KIT: variants seen among roughly 807,000 people sequenced by gnomAD.
The protein encoded by KIT is mast/stem cell growth factor receptor Kit.
KIT carries 16 observed loss-of-function variants against 105.7 expected under a neutral mutation model. The ratio of observed to expected loss-of-function variants is 0.15; its 90% CI spans 0.10 to 0.23. The LOEUF (loss-of-function observed/expected upper bound fraction) is 0.23, where lower values mean the gene tolerates loss of function less well. KIT is among the 10% of genes least tolerant of loss of function. KIT has a pLI of 1.00. For synonymous variants in KIT, 438 were observed against 441.1 expected (o/e 0.99, Z 0.09); for missense variants, 858 against 1,213.8 (o/e 0.71, Z 4.36).
At chr4:54,658,725 G>A (rs999558742) in intron 1 of KIT, among the ~76,000 whole-genome samples, 2 of 152,202 alleles carry the variant, frequency 1.3e-5, no homozygotes, top group Admixed American at 1.3e-4. Flanking sequence ...TTTTGCGCTG[G>A]GAGTGCGCGG....
rs773599038 is a variant in KIT at position 54,709,535 on chromosome 4, G to A, written c.1227G>A (p.Val409=). 4.4e-6 allele frequency: 7 copies of A among 1,576,390 alleles called. No individual in the cohort carries two copies. Among genetic ancestry groups the A allele is most frequent in the Non-Finnish European group, 4.4e-6 (5 of 1,145,840 alleles). The part of the protein sequence containing the change: ...VNAAIAFNVY[V]NTKPEILTYD... ...CTGCCATAGCATTTAATGTTTATGT[G>A]AATAGTAAGTAACATGAAGGGCTCC... is the stretch of plus-strand genomic sequence containing the variant. The change falls in exon 7 of 21, where the codon GTG becomes GTA. Residue 409 remains valine, a synonymous_variant. Coordinates refer to ENST00000288135, the MANE Select transcript of KIT (RefSeq NM_000222.3).
At chr4:54,705,132 T>G (rs1207548528) in intron 5 of KIT, among the ~76,000 whole-genome samples, 3 of 152,228 alleles carry the variant, frequency 2.0e-5, no homozygotes, top group Non-Finnish European at 2.9e-5. Flanking sequence ...TTAGGGAGCA[T>G]GTTGATATAT....
chr4:54,713,921 C>G (rs1721309414), intron 7 of KIT, among the ~76,000 whole-genome samples: 3 of 152,062 alleles, frequency 2.0e-5, no homozygotes, highest in Admixed American at 2.0e-4. Flanking sequence ...GACTCAGTGA[C>G]ATTTAAGGTG....
Position 54,709,485 on chromosome 4 carries a change from C to A in KIT, c.1177C>A (p.Leu393Ile), listed in dbSNP as rs750332587. The change falls in exon 7 of 21, where the codon CTA becomes ATA. Residue 393 changes from leucine (L) to isoleucine (I), a missense_variant. Physicochemically the swap from Leu to Ile is conservative, Grantham distance 5 (BLOSUM62 2). Coordinates refer to ENST00000288135, the MANE Select transcript of KIT (RefSeq NM_000222.3). ...KGTEGGTYTF[L>I]VSNSDVNAAI... ...CACCGAAGGAGGCACTTACACATTC[C>A]TAGTGTCCAATTCTGACGTCAATGC... The A allele has an allele frequency of 6.2e-7, 1 of 1,613,840 alleles. No individual in the cohort carries two copies. The highest frequency in any genetic ancestry group is 8.5e-7 in the Non-Finnish European group (1 of 1,179,736).
rs1394807281 is a variant in KIT, at chr4:54,731,324, C to A, written c.2142-4C>A. On this transcript the variant is annotated splice_region_variant and splice_polypyrimidine_tract_variant and intron_variant, in intron 14 of 20. Coordinates refer to ENST00000288135, the MANE Select transcript of KIT (RefSeq NM_000222.3). ...TCAGTCATGACTTGTTTCATCTCTC[C>A]CAGCAGCGATAGTACTAATGAGTAC... The A allele has an allele frequency of 7.5e-6, 12 of 1,608,838 alleles. No homozygotes were observed. In the Admixed American group the frequency reaches 1.7e-4, roughly 22 times the overall value.
chr4:54,689,788 T>G (rs1361327927), intron 1 of KIT, among the ~76,000 whole-genome samples: 1 of 152,214 alleles, frequency 6.6e-6, no homozygotes, highest in South Asian at 2.1e-4. Flanking sequence ...CACAATGTTG[T>G]GTAACCATCA....
chr4:54,705,416 A>G (rs1720723209), intron 5 of KIT, among the ~76,000 whole-genome samples: 1 of 152,182 alleles, frequency 6.6e-6, no homozygotes. Flanking sequence ...GGGCTTTGGT[A>G]TCACTCTTTT....
chr4:54,671,238 G>A (rs1718089306), intron 1 of KIT, among the ~76,000 whole-genome samples: 1 of 152,188 alleles, frequency 6.6e-6, no homozygotes, highest in African/African-American at 2.4e-5. Flanking sequence ...CATTCCTCAG[G>A]ATGGGAAAGT....
At chr4:54,664,919 A>G (rs1282925809) in intron 1 of KIT, among the ~76,000 whole-genome samples, 1 of 151,472 alleles carries the variant, frequency 6.6e-6, no homozygotes, top group Non-Finnish European at 1.5e-5. Flanking sequence ...TAAAACATAC[A>G]TAAAATGAAA....
chr4:54,738,454 GC>G lies in KIT; in HGVS notation c.2832del (p.Asn945ThrfsTer7). 1 of 1,614,028 alleles carries G rather than the reference GC, an allele frequency of 6.2e-7. No homozygotes were observed. Among genetic ancestry groups the G allele is most frequent in the Non-Finnish European group, 8.5e-7 (1 of 1,179,980 alleles). ...NHIYSNLANC[S>X]PNRQKPVVDH... The stretch of plus-strand genomic sequence containing the variant: ...ATTTACTCCAACTTAGCAAACTGCA[GC>G]CCCAACCGACAGAAGCCCGTGGTAG... On this transcript the variant is annotated frameshift_variant, in exon 21 of 21. Coordinates refer to ENST00000288135, the MANE Select transcript of KIT (RefSeq NM_000222.3). LOFTEE classifies it high-confidence loss of function.
chr4:54,732,936 GTACTGAA>G, intron 16 of KIT, 127 bp from the exon 17 acceptor site: 1 of 679,746 alleles, frequency 1.5e-6, no homozygotes, highest in South Asian at 1.8e-5. Flanking sequence ...TATTTTTGGT[GTACTGAA>G]TACTTTAAAA....
intron 1 of KIT, among the ~76,000 whole-genome samples, chr4:54,664,903 T>A (rs1053347737): frequency 2.0e-5 from 3 of 149,184 alleles, no homozygotes; most frequent in Non-Finnish European, 4.5e-5. Flanking sequence ...TTTTTTTTTT[T>A]AATAGTAAAA....
chr4:54,737,057 C>A (rs1463326381), intron 19 of KIT, 118 bp from the exon 20 acceptor site: 5 of 759,230 alleles, frequency 6.6e-6, no homozygotes, highest in East Asian at 5.3e-5. Flanking sequence ...ATCTATATGT[C>A]AGTCCATATG....
At chr4:54,726,189 TAA>T (rs1722208194) in intron 9 of KIT, 139 bp downstream of exon 9, 2 of 730,232 alleles carry the variant, frequency 2.7e-6, no homozygotes, top group African/African-American at 1.7e-5. Context: ...TCAAACTCAC[TAA>T]GTTTCATTTT....
chr4:54,685,038 A>C (rs1199401336), intron 1 of KIT, among the ~76,000 whole-genome samples: 1 of 152,156 alleles, frequency 6.6e-6, no homozygotes, highest in Non-Finnish European at 1.5e-5. Flanking sequence ...TTACTTTTGC[A>C]CCAACCTTCT....
intron 1 of KIT, among the ~76,000 whole-genome samples, chr4:54,667,379 G>T (rs1717779076): frequency 6.6e-6 from 1 of 152,132 alleles, no homozygotes. Flanking sequence ...TTGCCTTTAA[G>T]GATCCTAGGA....
At chr4:54,683,492 G>A (rs1448273641) in intron 1 of KIT, among the ~76,000 whole-genome samples, 9 of 152,136 alleles carry the variant, frequency 5.9e-5, no homozygotes, top group African/African-American at 2.2e-4. Flanking sequence ...TGGGGGGGTG[G>A]GGAAGACAAA....
intron 4 of KIT, among the ~76,000 whole-genome samples, chr4:54,701,210 A>G (rs1447057072): frequency 6.6e-6 from 1 of 152,192 alleles, no homozygotes; most frequent in East Asian, 1.9e-4. Context: ...TCTTTGGGGA[A>G]ATCCCAGTGT....
chr4:54,676,258 G>A (rs1268659141), intron 1 of KIT, among the ~76,000 whole-genome samples: 1 of 150,314 alleles, frequency 6.7e-6, no homozygotes, highest in Non-Finnish European at 1.5e-5. Flanking sequence ...AACCTGCTGA[G>A]TTGGAAACTC....
Sources: gnomAD v4.1 joint callset for allele counts (sites outside exome capture counted in the v4.1 genomes callset) on GRCh38, gnomAD v4.1.1 for gene constraint, MANE v1.5 for transcripts, NCBI Gene and HGNC (gene_info 2026-07-23, HGNC 2026-07-21) for gene names.